Variants in IFT140 observed in about 807,000 individuals in gnomAD.
The protein encoded by IFT140 is intraflagellar transport 140.
In IFT140, 133 loss-of-function variants were observed where a neutral mutation model predicts 164.6. That is an observed-to-expected ratio of 0.81 (90% CI 0.70 to 0.93). IFT140 has a LOEUF of 0.93. Among genes scored for constraint, IFT140 ranks in the 40% least tolerant of loss-of-function variants. The pLI is 0.00. For synonymous variants in IFT140, 860 were observed against 817.3 expected, an observed-to-expected ratio of 1.05 and a Z score of -0.89; for missense variants, 2,045 against 1,972.3, an observed-to-expected ratio of 1.04 and a Z score of -0.70.
intron 26 of IFT140, 39 bp from the exon 27 acceptor site, chr16:1,520,847 G>C: frequency 6.4e-7 from 1 of 1,569,896 alleles, no homozygotes; most frequent in South Asian, 1.1e-5. Flanking sequence ...TGCCGAGGGG[G>C]CCGGGAACTG....
intron 19 of IFT140, among the ~76,000 whole-genome samples, chr16:1,528,421 GCA>G (rs369086951): frequency 1.9e-4 from 23 of 118,788 alleles, no homozygotes; most frequent in Non-Finnish European, 2.9e-4. Context: ...GGACGCACAT[GCA>G]CACACAGATG....
At chr16:1,543,272 G>C (rs2031824479) in intron 19 of IFT140, among the ~76,000 whole-genome samples, 1 of 152,272 alleles carries the variant, frequency 6.6e-6, no homozygotes, top group Admixed American at 6.5e-5. Flanking sequence ...AGGAAGTCCA[G>C]AGTGAATCAT....
At chr16:1,598,402 G>A (rs1365346953) in intron 4 of IFT140, among the ~76,000 whole-genome samples, 1 of 152,108 alleles carries the variant, frequency 6.6e-6, no homozygotes, top group African/African-American at 2.4e-5. Flanking sequence ...AGCTTGCAGG[G>A]AGCCGAGATG....
At chr16:1,543,379 A>G (rs2031838080) in intron 19 of IFT140, among the ~76,000 whole-genome samples, 1 of 152,248 alleles carries the variant, frequency 6.6e-6, no homozygotes. Context: ...CTGTGCTGGA[A>G]AGTGCCCTGA....
intron 20 of IFT140, 27 bp from the exon 21 acceptor site, chr16:1,526,104 G>A (rs1441262902): frequency 1.5e-5 from 23 of 1,552,896 alleles, no homozygotes; most frequent in Admixed American, 3.8e-5. Flanking sequence ...GGCAGGTGTC[G>A]TGCAGCCTCC....
Position 1,553,970 on chromosome 16 carries a change from A to C in IFT140, c.2399+3965T>G. ...AAGTGAAACTGTAGCATCAGCGACT[A>C]ACTAGACGGGAACAAGCTGCGCCAA... is the stretch of plus-strand genomic sequence containing the variant. On this transcript the variant is annotated intron_variant, in intron 19 of 30. Coordinates refer to ENST00000426508, the MANE Select transcript of IFT140 (RefSeq NM_014714.4). The surrounding 1 kb of genome is among the most constrained non-coding windows in gnomAD (Gnocchi z 4.4). The C allele has an allele frequency of 7.8e-7, 1 of 1,287,256 alleles. No homozygotes were observed. Among genetic ancestry groups the C allele is most frequent in the Non-Finnish European group, 1.0e-6 (1 of 988,690 alleles). 79.7% of individuals were successfully genotyped at this position (1,287,256 alleles called of 1,614,324 possible).
At chr16:1,529,582 C>T (rs1484240256) in intron 19 of IFT140, among the ~76,000 whole-genome samples, 1 of 152,248 alleles carries the variant, frequency 6.6e-6, no homozygotes, top group East Asian at 1.9e-4. Context: ...CAGGGAGAGG[C>T]CTGAGCACCC....
intron 14 of IFT140, among the ~76,000 whole-genome samples, chr16:1,570,583 G>T (rs774845777): frequency 6.6e-6 from 1 of 152,106 alleles, no homozygotes; most frequent in African/African-American, 2.4e-5. Context: ...CTAGAGAGCC[G>T]AGCTCCTGTG....
chr16:1,547,879 G>A (rs971529526), intron 19 of IFT140, among the ~76,000 whole-genome samples: 7 of 152,088 alleles, frequency 4.6e-5, no homozygotes, highest in South Asian at 2.1e-4. Context: ...GTCTTGCCAC[G>A]TTGCCCAGGC....
chr16:1,594,113 T>C (rs1298794759), intron 4 of IFT140, among the ~76,000 whole-genome samples: 1 of 152,230 alleles, frequency 6.6e-6, no homozygotes, highest in Admixed American at 6.5e-5. Context: ...AGCTTTAAGC[T>C]CTCTAGTTGG....
chr16:1,580,419 A>G (rs1346686987), intron 13 of IFT140: 1 of 212,906 alleles, frequency 4.7e-6, no homozygotes, highest in African/African-American at 2.4e-5. Flanking sequence ...GTTCTGTGAT[A>G]GAGATCTGAC....
chr16:1,571,305 C>T, intron 14 of IFT140, 102 bp downstream of exon 14: 3 of 1,085,634 alleles, frequency 2.8e-6, no homozygotes, highest in Non-Finnish European at 4.0e-6. Flanking sequence ...TTAAAATGGG[C>T]ACCTAAGGAG....
At chr16:1,522,218 G>A (rs917003986) in intron 26 of IFT140, among the ~76,000 whole-genome samples, 4 of 152,022 alleles carry the variant, frequency 2.6e-5, no homozygotes, top group African/African-American at 7.2e-5. Flanking sequence ...TAACACAGGT[G>A]TGGTGGTGGG....
chr16:1,605,370 G>A (rs1362934340), intron 3 of IFT140, among the ~76,000 whole-genome samples: 2 of 152,074 alleles, frequency 1.3e-5, no homozygotes, highest in Non-Finnish European at 2.9e-5. Context: ...CCTGCAGAGG[G>A]CTGAAGAGTG....
chr16:1,555,933 C>T (rs2033050300), intron 19 of IFT140, among the ~76,000 whole-genome samples: 1 of 152,052 alleles, frequency 6.6e-6, no homozygotes, highest in Admixed American at 6.5e-5. Flanking sequence ...GAAACCCTGT[C>T]TCTACTAAAA....
chr16:1,588,615 C>G lies in IFT140; in HGVS notation c.811-591G>C, dbSNP rs541602842. On this transcript the variant is annotated intron_variant, in intron 7 of 30. Transcript: ENST00000426508. ...ATCGGTGGACATGCTCTGGAGTGAT[C>G]ACTAAGTTGAGCTGGTGCTCCCTGT... is the stretch of plus-strand genomic sequence containing the variant. Among the ~76,000 whole-genome samples the G allele has an allele frequency of 1.0e-3, 155 of 152,166 alleles. 2 individuals are homozygous for G. Among genetic ancestry groups the G allele is most frequent in the African/African-American group, 3.3e-3 (136 of 41,470 alleles).
At chr16:1,579,724 T>C (rs913265767) in intron 13 of IFT140, among the ~76,000 whole-genome samples, 1 of 152,074 alleles carries the variant, frequency 6.6e-6, no homozygotes, top group South Asian at 2.1e-4. Flanking sequence ...CCCAGCACTT[T>C]GGGAGGCCAA....
chr16:1,523,776 C>T (rs1005404405), intron 25 of IFT140, 52 bp downstream of exon 25: 2 of 1,605,976 alleles, frequency 1.2e-6, no homozygotes, highest in African/African-American at 1.3e-5. Flanking sequence ...CAGGCAAGGG[C>T]CCCCTGGCTT....
chr16:1,606,718 C>T (rs2036079521), intron 3 of IFT140, among the ~76,000 whole-genome samples: 1 of 152,168 alleles, frequency 6.6e-6, no homozygotes, highest in African/African-American at 2.4e-5. Flanking sequence ...CCTCGGCCTC[C>T]CAAAGTGCTG....
Sources: gnomAD v4.1 joint callset for allele counts (sites outside exome capture counted in the v4.1 genomes callset) on GRCh38, gnomAD v4.1.1 for gene constraint, Gnocchi (gnomAD v3.1) non-coding constraint, MANE v1.5 for transcripts, NCBI Gene and HGNC (gene_info 2026-07-23, HGNC 2026-07-21) for gene names.